NRXN1: variants seen among roughly 807,000 people sequenced by gnomAD.
NRXN1 encodes neurexin-1.
NRXN1 carries 39 observed loss-of-function variants against 150.9 expected under a neutral mutation model. That is an observed-to-expected ratio of 0.26 (90% CI 0.20 to 0.34). The LOEUF (loss-of-function observed/expected upper bound fraction) is 0.34, where lower values mean the gene tolerates loss of function less well. Ranked by LOEUF, NRXN1 falls within the 10% of genes least tolerant of loss-of-function variation. The pLI, the probability that NRXN1 is intolerant of heterozygous loss-of-function variation, is 1.00. For missense variants in NRXN1, 1,815 were observed against 1,949.9 expected, an observed-to-expected ratio of 0.93 and a Z score of 1.30; for synonymous variants, 924 against 757.0, an observed-to-expected ratio of 1.22 and a Z score of -3.62.
intron 21 of NRXN1, among the ~76,000 whole-genome samples, chr2:49,945,443 C>G (rs1672721692): frequency 6.7e-6 from 1 of 150,172 alleles, no homozygotes; most frequent in African/African-American, 2.5e-5. Context: ...GCAGCATATG[C>G]AGGTTACATA....
chr2:50,467,421 T>C (rs1186813135), intron 16 of NRXN1, among the ~76,000 whole-genome samples: 1 of 151,636 alleles, frequency 6.6e-6, no homozygotes, highest in Non-Finnish European at 1.5e-5. Context: ...ATGCTATTAA[T>C]GTAAAAGAGA....
chr2:50,077,862 T>A (rs578103618), intron 19 of NRXN1, among the ~76,000 whole-genome samples: 89 of 152,174 alleles, frequency 5.8e-4, no homozygotes, highest in African/African-American at 2.1e-3. Context: ...ACAAATTACT[T>A]CAATAATACT....
At position 50,472,429 on chromosome 2, in the gene NRXN1, G is replaced by A. The variant is rs779665642; in HGVS notation, c.3113C>T (p.Ser1038Phe). The change falls in exon 16 of 23, where the codon TCC becomes TTC. Residue 1038 changes from serine (S) to phenylalanine (F), a missense_variant. Ser to Phe is a radical substitution (Grantham distance 155). Coordinates refer to ENST00000401669, the MANE Select transcript of NRXN1 (RefSeq NM_001330078.2). ...TTTGGCATGTACAAGTTTTGGTAAG[G>A]ATTTGTATGTTTCTTTAGCTACTCC... ...IGGVAKETYK[S>F]LPKLVHAKEG... is the part of the protein sequence containing the mutation. 1 of 1,612,134 alleles carries A rather than the reference G, an allele frequency of 6.2e-7. No individual in the cohort carries two copies. Among genetic ancestry groups the A allele is most frequent in the South Asian group, 1.1e-5 (1 of 91,014 alleles).
At chr2:50,314,035 C>A (rs2075389951) in intron 17 of NRXN1, among the ~76,000 whole-genome samples, 1 of 151,936 alleles carries the variant, frequency 6.6e-6, no homozygotes, top group African/African-American at 2.4e-5. Context: ...CTCATTCACT[C>A]GAGTATCTGG....
rs138413661 is a variant in NRXN1 at position 50,945,712 on chromosome 2, C to T, written c.773-19757G>A. On this transcript the variant is annotated intron_variant, in intron 2 of 22. Transcript: ENST00000401669. The stretch of plus-strand genomic sequence containing the variant: ...AAAATCAATATTTATAGATTAGATA[C>T]GGGCACTGAAATATAAACCTGATGT... Among the ~76,000 whole-genome samples the T allele has an allele frequency of 5.9e-4, 90 of 151,434 alleles. 1 individual carries two copies. The East Asian group carries it at 0.015, about 25-fold the overall frequency.
chr2:50,884,280 T>C (rs532284195), intron 5 of NRXN1, among the ~76,000 whole-genome samples: 1 of 151,816 alleles, frequency 6.6e-6, no homozygotes, highest in Non-Finnish European at 1.5e-5. Flanking sequence ...CAACAATGTA[T>C]CAATCAAAGC....
At chr2:50,970,242 A>G (rs1438434395) in intron 2 of NRXN1, among the ~76,000 whole-genome samples, 1 of 152,154 alleles carries the variant, frequency 6.6e-6, no homozygotes, top group Non-Finnish European at 1.5e-5. Context: ...AAGAGGGATT[A>G]TAGGTTCTAT....
At chr2:50,193,745 C>G (rs1233343907) in intron 18 of NRXN1, among the ~76,000 whole-genome samples, 1 of 151,906 alleles carries the variant, frequency 6.6e-6, no homozygotes, top group Non-Finnish European at 1.5e-5. Flanking sequence ...AAAATGGGGT[C>G]AATTATTGGC....
chr2:50,055,723 G>A (rs1412737630), intron 19 of NRXN1, among the ~76,000 whole-genome samples: 1 of 152,178 alleles, frequency 6.6e-6, no homozygotes, highest in Non-Finnish European at 1.5e-5. Context: ...TTATTTGAGT[G>A]TCCTTGAGTT....
chr2:49,983,636 C>T (rs1680377512), intron 21 of NRXN1, among the ~76,000 whole-genome samples: 1 of 152,000 alleles, frequency 6.6e-6, no homozygotes, highest in Non-Finnish European at 1.5e-5. Flanking sequence ...CAGAAAATGT[C>T]TTTTTCTAGT....
At chr2:50,522,074 A>G (rs1030050) in intron 12 of NRXN1, among the ~76,000 whole-genome samples, 132,564 of 152,134 alleles carry the variant, frequency 0.87, 58,109 homozygotes, top group African/African-American at 0.95. Flanking sequence ...AGGAAGGCAG[A>G]GAAGAATACA....
rs1022194362 is a variant in NRXN1, at chr2:50,726,230, C to T, written c.833-102615G>A. On this transcript the variant is annotated intron_variant, in intron 5 of 22. Coordinates refer to ENST00000401669, the MANE Select transcript of NRXN1 (RefSeq NM_001330078.2). ...AACAACTTTTATTTGTGCTGTGATT[C>T]ATGTTTTCAAAGTGCTTTGATTTCC... Among the ~76,000 whole-genome samples the T allele has an allele frequency of 3.3e-5, 5 of 152,196 alleles. No homozygotes were observed. In the South Asian group the frequency reaches 8.3e-4, roughly 25 times the overall value.
At chr2:50,144,274 G>A (rs902213571) in intron 18 of NRXN1, among the ~76,000 whole-genome samples, 1 of 151,834 alleles carries the variant, frequency 6.6e-6, no homozygotes, top group East Asian at 1.9e-4. Flanking sequence ...ATTTTTCATT[G>A]TTGTTTTTTC....
At chr2:50,922,975 C>A (rs1209490536) in intron 3 of NRXN1, among the ~76,000 whole-genome samples, 1 of 151,952 alleles carries the variant, frequency 6.6e-6, no homozygotes, top group East Asian at 1.9e-4. Flanking sequence ...TCCAACCAAA[C>A]CCCTCAATAT....
chr2:50,789,917 C>T (rs1307587379), intron 5 of NRXN1, among the ~76,000 whole-genome samples: 2 of 152,106 alleles, frequency 1.3e-5, no homozygotes, highest in African/African-American at 2.4e-5. Context: ...TCAAGTCCTA[C>T]GTTTTCAAAA....
At chr2:50,743,716 C>T (rs1185093324) in intron 5 of NRXN1, among the ~76,000 whole-genome samples, 33 of 152,174 alleles carry the variant, frequency 2.2e-4, no homozygotes, top group Admixed American at 2.2e-3. Context: ...GTCCCATCTT[C>T]TCCTTTTCCT....
At chr2:50,863,690 T>C (rs1030189947) in intron 5 of NRXN1, among the ~76,000 whole-genome samples, 8 of 152,042 alleles carry the variant, frequency 5.3e-5, no homozygotes, top group African/African-American at 1.9e-4. Flanking sequence ...GAACTACAGC[T>C]TCCCCTCCTC....
At chr2:49,992,239 A>C (rs1482355580) in intron 21 of NRXN1, among the ~76,000 whole-genome samples, 2 of 152,108 alleles carry the variant, frequency 1.3e-5, no homozygotes, top group East Asian at 1.9e-4. Flanking sequence ...ACATCATTAA[A>C]ATAAAGAAAA....
chr2:50,765,646 A>C (rs1161264042), intron 5 of NRXN1, among the ~76,000 whole-genome samples: 1 of 152,072 alleles, frequency 6.6e-6, no homozygotes, highest in Non-Finnish European at 1.5e-5. Context: ...ATGCCGCAAC[A>C]TAGTCAATTT....
Sources: allele counts gnomAD v4.1 joint callset (sites outside exome capture counted in the v4.1 genomes callset), GRCh38; gene constraint gnomAD v4.1.1; transcripts MANE v1.5; gene names NCBI Gene and HGNC (gene_info 2026-07-23, HGNC 2026-07-21).